Variants in TLK1 observed in about 807,000 individuals in gnomAD.
TLK1 encodes tousled like kinase 1.
Under a neutral mutation model 105.3 loss-of-function variants are expected in TLK1, and 24 were observed. The observed-to-expected ratio is 0.23, with a 90% confidence interval of 0.17 to 0.32. TLK1 has a LOEUF of 0.32. Ranked by LOEUF, TLK1 falls within the 10% of genes least tolerant of loss-of-function variation. TLK1 has a pLI of 1.00. For missense variants in TLK1, 558 were observed against 910.5 expected (o/e 0.61, Z 4.98); for synonymous variants, 321 against 310.4 (o/e 1.03, Z -0.36).
chr2:170,997,738 AGAT>A lies in TLK1; in HGVS notation c.1987_1989del (p.Ile663del). On this transcript the variant is annotated inframe_deletion, in exon 19 of 21. Coordinates refer to ENST00000431350, the MANE Select transcript of TLK1 (RefSeq NM_012290.5). The stretch of plus-strand genomic sequence containing the variant: ...TTTCTACCATAAAGACACTGAAAGA[AGAT>A]GACTCCAACCGACCATACATCAACC... 1 of 1,609,010 alleles carries A rather than the reference AGAT, an allele frequency of 6.2e-7. No individual in the cohort carries two copies. Among genetic ancestry groups the A allele is most frequent in the Non-Finnish European group, 8.5e-7 (1 of 1,176,988 alleles).
In TLK1 at chr2:171,053,790, T is replaced by C; in HGVS notation, c.703A>G (p.Lys235Glu). 1 of 1,610,804 alleles carries C rather than the reference T, an allele frequency of 6.2e-7. No individual in the cohort carries two copies. Among genetic ancestry groups the C allele is most frequent in the Non-Finnish European group, 8.5e-7 (1 of 1,178,428 alleles). Reference protein sequence around the residue: ...ESNKIQDLEKKEGRIDDLLRA... With the variant: ...ESNKIQDLEKEEGRIDDLLRA... ...AGCAAATCATCTATACGTCCCTCCTTCTTTTCCAGGTCCTGGATTTTATTA... is the reference window on the plus strand; with the variant it reads ...AGCAAATCATCTATACGTCCCTCCTCCTTTTCCAGGTCCTGGATTTTATTA... The change falls in exon 8 of 21, where the codon AAG becomes GAG. Residue 235 changes from lysine to glutamate, a missense_variant. Physicochemically the swap from Lys to Glu is moderately conservative, Grantham distance 56. This residue lies in a region of TLK1 where 196 missense variants were observed against 239.3 expected (regional missense o/e 0.82). Coordinates refer to ENST00000431350, the MANE Select transcript of TLK1 (RefSeq NM_012290.5).
At chr2:171,011,794 CAGACTTTTATATTGGGAGTTATAATCA>C (rs1684928001) in intron 13 of TLK1, among the ~76,000 whole-genome samples, 2 of 152,148 alleles carry the variant, frequency 1.3e-5, no homozygotes, top group South Asian at 4.1e-4. Context: ...CTGGAAAAAA[CAGACTTTTATATTGGGAGTTATAATCA>C]AGCTTTTACA....
At chr2:171,046,395 A>G (rs1686962910) in intron 10 of TLK1, 33 bp from the exon 11 acceptor site, 1 of 1,522,430 alleles carries the variant, frequency 6.6e-7, no homozygotes, top group African/African-American at 1.4e-5. Context: ...AACCATATTA[A>G]CCTTCCATTA....
intron 5 of TLK1, among the ~76,000 whole-genome samples, chr2:171,057,373 A>G (rs529151736): frequency 2.0e-5 from 3 of 152,166 alleles, no homozygotes; most frequent in South Asian, 2.1e-4. Flanking sequence ...TATTTTATCA[A>G]TAGAGCCTAG....
rs1491229200 is a variant in TLK1, at chr2:171,123,053, TAA to T, written c.140-5198_140-5197del. Among the ~76,000 whole-genome samples, 877 of 91,436 alleles carry T rather than the reference TAA, an allele frequency of 9.6e-3. 4 individuals carry two copies. The highest frequency in any genetic ancestry group is 0.017 in the East Asian group (52 of 3,040). 60.0% of individuals were successfully genotyped at this position (91,436 alleles called of 152,430 possible). On this transcript the variant is annotated intron_variant, in intron 1 of 20. Coordinates refer to ENST00000431350, the MANE Select transcript of TLK1 (RefSeq NM_012290.5). ...GACCCTATATGAAAAAATAAATAAA[TAA>T]ATACACACACACACACACACACACA...
intron 3 of TLK1, among the ~76,000 whole-genome samples, chr2:171,075,233 T>C (rs1688446952): frequency 6.6e-6 from 1 of 152,146 alleles, no homozygotes; most frequent in Admixed American, 6.6e-5. Context: ...GAGGTGGGTA[T>C]GTATATAAAA....
At chr2:171,213,211 C>CT (rs540558932) in intron 1 of TLK1, among the ~76,000 whole-genome samples, 4,135 of 146,452 alleles carry the variant, frequency 0.028, 109 homozygotes, top group Admixed American at 0.078. Context: ...CTTTTCTTTT[C>CT]TTTTTTTTTT....
At chr2:171,073,125 G>C (rs1034095949) in intron 3 of TLK1, among the ~76,000 whole-genome samples, 19 of 151,920 alleles carry the variant, frequency 1.3e-4, no homozygotes, top group African/African-American at 4.4e-4. Flanking sequence ...ACAGTCTTTA[G>C]GTTTTTCCAA....
At chr2:171,207,844 G>C (rs1262211834) in intron 1 of TLK1, among the ~76,000 whole-genome samples, 1 of 152,088 alleles carries the variant, frequency 6.6e-6, no homozygotes, top group Admixed American at 6.6e-5. Context: ...TCAGACCTCA[G>C]CCTCCCAAGT....
At chr2:171,016,117 A>C (rs1322936666) in intron 12 of TLK1, among the ~76,000 whole-genome samples, 1 of 152,168 alleles carries the variant, frequency 6.6e-6, no homozygotes, top group African/African-American at 2.4e-5. Flanking sequence ...CAATAAAAAA[A>C]AAGGATAAGC....
At chr2:171,159,583 C>T (rs547598542) in intron 1 of TLK1, 3 of 152,366 alleles carry the variant, frequency 2.0e-5, no homozygotes, top group Non-Finnish European at 4.4e-5. Context: ...AGAACAGTAG[C>T]CTACTTGCAG....
At chr2:171,075,140 GCTAAGCACTAGTGCTTAGAATACA>G (rs1229786191) in intron 3 of TLK1, among the ~76,000 whole-genome samples, 1 of 151,840 alleles carries the variant, frequency 6.6e-6, no homozygotes, top group East Asian at 1.9e-4. Context: ...TAGAATCATA[GCTAAGCACTAGTGCTTAGAATACA>G]CTAAGCACTA....
intron 11 of TLK1, among the ~76,000 whole-genome samples, chr2:171,036,387 T>TC (rs907484114): frequency 3.9e-4 from 59 of 150,826 alleles, no homozygotes; most frequent in Admixed American, 8.6e-4. Context: ...AGACTCTGTC[T>TC]CCCCCCCCAA....
rs116789247 is a variant in TLK1 at position 171,061,007 on chromosome 2, A to G, written c.406+74T>C. Reference sequence around the variant, plus strand: ...CTTCATATTATTTTACAATTAGAGTATTAATTGGTTAAAAATTAAAACAAT... The same window carrying G: ...CTTCATATTATTTTACAATTAGAGTGTTAATTGGTTAAAAATTAAAACAAT... On this transcript the variant is annotated intron_variant, in intron 4 of 20. Coordinates refer to ENST00000431350, the MANE Select transcript of TLK1 (RefSeq NM_012290.5). 2.6e-4 allele frequency: 357 copies of G among 1,377,368 alleles called. No individual in the cohort carries two copies. In the African/African-American group the frequency reaches 4.5e-3, roughly 18 times the overall value. 85.3% of individuals were successfully genotyped at this position (1,377,368 alleles called of 1,614,324 possible).
At chr2:171,072,096 T>C (rs1425202599) in intron 3 of TLK1, among the ~76,000 whole-genome samples, 3 of 152,218 alleles carry the variant, frequency 2.0e-5, no homozygotes, top group African/African-American at 4.8e-5. Flanking sequence ...TGTGGTTCTA[T>C]ACAAATTTTA....
At chr2:171,063,709 G>A (rs1010307785) in intron 3 of TLK1, among the ~76,000 whole-genome samples, 6 of 152,176 alleles carry the variant, frequency 3.9e-5, no homozygotes, top group African/African-American at 1.2e-4. Context: ...TTCAATGGTA[G>A]GTTGAGAAGA....
intron 5 of TLK1, among the ~76,000 whole-genome samples, chr2:171,057,286 T>C (rs1013931479): frequency 2.6e-5 from 4 of 152,068 alleles, no homozygotes; most frequent in Non-Finnish European, 5.9e-5. Context: ...TTACTTTACT[T>C]ACATGAACAG....
chr2:171,183,861 A>AT (rs1281414428), intron 1 of TLK1, among the ~76,000 whole-genome samples: 7 of 152,144 alleles, frequency 4.6e-5, no homozygotes, highest in Non-Finnish European at 8.8e-5. Context: ...CTAAATTAAC[A>AT]TTTTTTTCAC....
At chr2:171,004,610 C>G (rs1221967381) in intron 18 of TLK1, among the ~76,000 whole-genome samples, 1 of 152,178 alleles carries the variant, frequency 6.6e-6, no homozygotes, top group Non-Finnish European at 1.5e-5. Flanking sequence ...CTTCCCTATA[C>G]TAGTGAAGCC....
Sources: allele counts gnomAD v4.1 joint callset (sites outside exome capture counted in the v4.1 genomes callset), GRCh38; gene constraint gnomAD v4.1.1; regional missense constraint gnomAD v4.1.1; transcripts MANE v1.5; gene names NCBI Gene and HGNC (gene_info 2026-07-23, HGNC 2026-07-21).